CKAP5: variants seen among roughly 807,000 people sequenced by gnomAD.
The protein encoded by CKAP5 is cytoskeleton-associated protein 5.
A neutral mutation model predicts 232.8 loss-of-function variants in CKAP5; 27 were observed. That is an observed-to-expected ratio of 0.12 (90% CI 0.09 to 0.16). The LOEUF is 0.16. Ranked by LOEUF, CKAP5 falls within the 10% of genes least tolerant of loss-of-function variation. The probability of loss-of-function intolerance (pLI) is 1.00; values close to 1 mark genes in which losing one functional copy is unlikely to be tolerated. For synonymous variants in CKAP5, 785 were observed against 841.1 expected (o/e 0.93, Z 1.16); for missense variants, 1,838 against 2,424.7 (o/e 0.76, Z 5.08).
chr11:46,789,774 C>A (rs1322332500), intron 15 of CKAP5, among the ~76,000 whole-genome samples: 1 of 151,982 alleles, frequency 6.6e-6, no homozygotes, highest in African/African-American at 2.4e-5. Context: ...CCAGCCTGGG[C>A]AACAGAGCAA....
At chr11:46,836,633 T>C (rs1939924296) in intron 1 of CKAP5, among the ~76,000 whole-genome samples, 2 of 152,184 alleles carry the variant, frequency 1.3e-5, no homozygotes, top group South Asian at 2.1e-4. Context: ...CTAAGTGCTG[T>C]TAAGAACGTG....
chr11:46,780,136 T>C (rs930896797), intron 20 of CKAP5, 58 bp downstream of exon 20: 13 of 1,589,900 alleles, frequency 8.2e-6, no homozygotes, highest in Non-Finnish European at 1.1e-5. Flanking sequence ...CCCAACAGTT[T>C]AGTCTTAATG....
intron 42 of CKAP5, among the ~76,000 whole-genome samples, chr11:46,749,352 G>C (rs2065045413): frequency 6.6e-6 from 1 of 151,640 alleles, no homozygotes; most frequent in Non-Finnish European, 1.5e-5. Context: ...CTACTCAAGA[G>C]GCTGAGGCAG....
chr11:46,749,178 G>C (rs902176381), intron 42 of CKAP5, among the ~76,000 whole-genome samples: 3 of 151,952 alleles, frequency 2.0e-5, no homozygotes, highest in African/African-American at 7.2e-5. Flanking sequence ...TGTGAGGCTG[G>C]GCATGGTGAC....
At chr11:46,774,461 C>T (rs2134612497) in intron 24 of CKAP5, among the ~76,000 whole-genome samples, 1 of 152,308 alleles carries the variant, frequency 6.6e-6, no homozygotes, top group South Asian at 2.1e-4. Flanking sequence ...CTACCAATGA[C>T]TCTCTTCACA....
chr11:46,824,721 CAA>C (rs1321783366), intron 1 of CKAP5, among the ~76,000 whole-genome samples: 1 of 152,124 alleles, frequency 6.6e-6, no homozygotes, highest in Admixed American at 6.5e-5. Context: ...GGAAGTTTCT[CAA>C]AAAGTTAAAA....
intron 40 of CKAP5, 108 bp downstream of exon 40, chr11:46,751,010 G>C: frequency 7.6e-7 from 1 of 1,312,820 alleles, no homozygotes; most frequent in Non-Finnish European, 1.1e-6. Context: ...CAGTCCATGA[G>C]CCTTCACCTT....
intron 37 of CKAP5, chr11:46,753,059 G>C: frequency 2.2e-6 from 1 of 447,268 alleles, no homozygotes; most frequent in Non-Finnish European, 3.9e-6. Context: ...GTATTTACTA[G>C]TTTTAGCTAT....
At chr11:46,833,216 A>G (rs1378898623) in intron 1 of CKAP5, among the ~76,000 whole-genome samples, 1 of 152,068 alleles carries the variant, frequency 6.6e-6, no homozygotes. Context: ...TGAAATTAAT[A>G]GGGGTTATCC....
At chr11:46,765,311 A>G in intron 27 of CKAP5, 55 bp from the exon 28 acceptor site, 2 of 1,499,534 alleles carry the variant, frequency 1.3e-6, no homozygotes, top group East Asian at 4.9e-5. Flanking sequence ...CCTTAAGAAT[A>G]TGATGCTGCT....
chr11:46,839,438 A>G (rs1458445727), intron 1 of CKAP5, among the ~76,000 whole-genome samples: 3 of 152,058 alleles, frequency 2.0e-5, no homozygotes, highest in Non-Finnish European at 4.4e-5. Context: ...AAACCTTAAA[A>G]CTCTCCAACA....
At chr11:46,810,684 C>T (rs1357677406) in intron 5 of CKAP5, among the ~76,000 whole-genome samples, 5 of 152,078 alleles carry the variant, frequency 3.3e-5, no homozygotes, top group Non-Finnish European at 4.4e-5. Context: ...ATAAGGAAGA[C>T]GTATGTCTAA....
intron 1 of CKAP5, among the ~76,000 whole-genome samples, chr11:46,830,581 T>C (rs1365786019): frequency 2.0e-5 from 3 of 152,106 alleles, no homozygotes; most frequent in Non-Finnish European, 4.4e-5. Context: ...GTGGCCCTGC[T>C]GACTGACACC....
chr11:46,775,858 G>A (rs555640923), intron 24 of CKAP5, among the ~76,000 whole-genome samples: 78 of 152,214 alleles, frequency 5.1e-4, no homozygotes, highest in African/African-American at 1.6e-3. Flanking sequence ...AGCATTAGGA[G>A]AAATACCTAA....
chr11:46,762,732 C>T lies in CKAP5; in HGVS notation c.3922G>A (p.Asp1308Asn). 1 of 1,613,990 alleles carries T rather than the reference C, an allele frequency of 6.2e-7. No homozygotes were observed. The highest frequency in any genetic ancestry group is 8.5e-7 in the Non-Finnish European group (1 of 1,179,904). ...ATCCGGTTCAGGATGGCACGAACAT[C>T]TTTACGAATGACATCCTTTGGTTCT... ...VGEPKDVIRK[D>N]VRAILNRMCL... The change falls in exon 31 of 44, where the codon GAT becomes AAT. Residue 1308 changes from aspartate to asparagine, a missense_variant. By Grantham distance (23) the Asp-to-Asn change is conservative. Around this residue, in one of 6 missense-constraint regions of CKAP5, gnomAD observed 579 missense variants for 843.2 expected, o/e 0.69. Transcript: ENST00000529230.
intron 7 of CKAP5, among the ~76,000 whole-genome samples, chr11:46,808,527 C>T (rs1260527548): frequency 2.6e-5 from 4 of 152,030 alleles, no homozygotes; most frequent in African/African-American, 7.2e-5. Flanking sequence ...GGCGACAGAG[C>T]GAGACTCCGT....
intron 24 of CKAP5, among the ~76,000 whole-genome samples, chr11:46,774,776 T>C (rs905274651): frequency 2.0e-5 from 3 of 152,194 alleles, no homozygotes; most frequent in Non-Finnish European, 4.4e-5. Context: ...TTGGGAAAAC[T>C]GGTTAGCCAT....
chr11:46,813,775 G>A (rs948135006), intron 4 of CKAP5, among the ~76,000 whole-genome samples: 7 of 152,056 alleles, frequency 4.6e-5, no homozygotes, highest in African/African-American at 1.7e-4. Context: ...TATTCTCCCA[G>A]TTTAGCTAAA....
Position 46,788,670 on chromosome 11 carries a change from T to A in CKAP5, c.1968+11A>T, listed in dbSNP as rs778996137. 6.6e-7 allele frequency: 1 copy of A among 1,512,136 alleles called. No homozygotes were observed. Among genetic ancestry groups the A allele is most frequent in the Non-Finnish European group, 9.2e-7 (1 of 1,087,760 alleles). 93.7% of individuals were successfully genotyped at this position (1,512,136 alleles called of 1,614,324 possible). A position where few individuals can be genotyped will look rare whatever the true frequency, so the allele number is the denominator to read the frequency against. On this transcript the variant is annotated intron_variant, in intron 16 of 43. Coordinates refer to ENST00000529230, the MANE Select transcript of CKAP5 (RefSeq NM_001008938.4). ...TCAATAAAAGACATCAAATCTCACA[T>A]TTTAAAATACCTGAAAATTAGTTTC...
Sources: allele counts gnomAD v4.1 joint callset (sites outside exome capture counted in the v4.1 genomes callset), GRCh38; gene constraint gnomAD v4.1.1; regional missense constraint gnomAD v4.1.1; transcripts MANE v1.5; gene names NCBI Gene and HGNC (gene_info 2026-07-23, HGNC 2026-07-21).